Variants in PTPRD observed in about 807,000 individuals in gnomAD.
The protein encoded by PTPRD is receptor-type tyrosine-protein phosphatase delta.
Under a neutral mutation model 214.5 loss-of-function variants are expected in PTPRD, and 34 were observed. The observed-to-expected ratio is 0.16, with a 90% confidence interval of 0.12 to 0.21. The LOEUF (loss-of-function observed/expected upper bound fraction) is 0.21. Ranked by LOEUF, PTPRD falls within the 10% of genes least tolerant of loss-of-function variation. The probability of loss-of-function intolerance (pLI) is 1.00; values close to 1 mark genes in which losing one functional copy is unlikely to be tolerated. For missense variants in PTPRD, 2,545 were observed against 2,398.7 expected (o/e 1.06, Z -1.27); for synonymous variants, 1,128 against 845.7 (o/e 1.33, Z -5.79).
At chr9:8,857,773 CCGCCGCCGCCGAAGCCCCCCTGGT>C (rs1414043298) in intron 11 of PTPRD, 3 of 157,070 alleles carry the variant, frequency 1.9e-5, no homozygotes, top group South Asian at 1.7e-4. Context: ...GGAGCAGCGG[CCGCCGCCGCCGAAGCCCCCCTGGT>C]CGCCGCCGCC....
intron 8 of PTPRD, among the ~76,000 whole-genome samples, chr9:9,555,197 C>T (rs186682805): frequency 6.0e-4 from 91 of 151,992 alleles, no homozygotes; most frequent in Non-Finnish European, 1.1e-3. Context: ...TAATATTTGA[C>T]GTATGATATT....
intron 5 of PTPRD, among the ~76,000 whole-genome samples, chr9:9,862,862 T>A (rs1007520500): frequency 6.6e-6 from 1 of 152,202 alleles, no homozygotes; most frequent in Middle Eastern, 3.2e-3. Flanking sequence ...TATTTCAGGT[T>A]TTCTTGTGCC....
intron 10 of PTPRD, among the ~76,000 whole-genome samples, chr9:9,134,057 TC>T (rs372020565): frequency 1.5e-5 from 2 of 131,336 alleles, no homozygotes; most frequent in African/African-American, 3.0e-5. Flanking sequence ...ATAGAATCAT[TC>T]TTTTTTTTTT....
intron 5 of PTPRD, among the ~76,000 whole-genome samples, chr9:9,901,988 T>A (rs1214341082): frequency 1.3e-5 from 2 of 152,214 alleles, no homozygotes; most frequent in African/African-American, 4.8e-5. Context: ...TATTACATCT[T>A]CTATTTCACA....
At chr9:8,946,322 C>T (rs986259565) in intron 11 of PTPRD, among the ~76,000 whole-genome samples, 2 of 151,960 alleles carry the variant, frequency 1.3e-5, no homozygotes, top group Non-Finnish European at 2.9e-5. Flanking sequence ...AAACGGAGAC[C>T]ACCCCCCCAC....
At chr9:10,030,243 A>T (rs2097030390) in intron 4 of PTPRD, among the ~76,000 whole-genome samples, 1 of 152,204 alleles carries the variant, frequency 6.6e-6, no homozygotes, top group Non-Finnish European at 1.5e-5. Context: ...AAATGATAAG[A>T]TAGGTGAGAA....
intron 5 of PTPRD, among the ~76,000 whole-genome samples, chr9:9,900,647 T>A (rs1254089132): frequency 6.7e-6 from 1 of 148,942 alleles, no homozygotes; most frequent in East Asian, 1.9e-4. Context: ...TCAGGTTTTT[T>A]TTTTTTTTGA....
In PTPRD at chr9:8,978,562, G is replaced by C. The variant is rs374887914; in HGVS notation, c.-104+40135C>G. On this transcript the variant is annotated intron_variant, in intron 11 of 45. Transcript: ENST00000381196. ...CTCAGACCTATCAGAGTTAGCTGGTGAAATGACCAAGTGCACGCAGCCTTG... is the reference window on the plus strand; with the variant it reads ...CTCAGACCTATCAGAGTTAGCTGGTCAAATGACCAAGTGCACGCAGCCTTG... Among the ~76,000 whole-genome samples, 286 of 152,228 alleles carry C rather than the reference G, an allele frequency of 1.9e-3. 1 individual carries two copies. Among genetic ancestry groups the C allele is most frequent in the African/African-American group, 6.4e-3 (267 of 41,570 alleles).
At chr9:9,695,240 C>G (rs919686994) in intron 7 of PTPRD, among the ~76,000 whole-genome samples, 2 of 152,122 alleles carry the variant, frequency 1.3e-5, no homozygotes, top group Non-Finnish European at 2.9e-5. Flanking sequence ...CAGAGTGTGT[C>G]AAGAAATGTT....
intron 7 of PTPRD, among the ~76,000 whole-genome samples, chr9:9,599,595 T>C (rs549750860): frequency 3.3e-5 from 5 of 152,246 alleles, no homozygotes; most frequent in African/African-American, 1.2e-4. Flanking sequence ...TTTATCTTTA[T>C]CTTTATGTGT....
rs191811000 is a variant in PTPRD at position 10,039,833 on chromosome 9, T to A, written c.-544-6043A>T. ...TCATAGAGAGGACAAAATTTAAAGA[T>A]GAAAACAATCAATAAAACAATATTA... On this transcript the variant is annotated intron_variant, in intron 3 of 45. Transcript: ENST00000381196. 1.3e-4 allele frequency among the ~76,000 whole-genome samples: 20 copies of A among 152,150 alleles called. No individual in the cohort carries two copies. The East Asian group carries it at 3.7e-3, about 28-fold the overall frequency.
chr9:10,565,093 A>G (rs998545054), intron 2 of PTPRD, among the ~76,000 whole-genome samples: 10 of 152,196 alleles, frequency 6.6e-5, no homozygotes, highest in African/African-American at 2.4e-4. Context: ...GCCTACAGAC[A>G]CTGTGATATA....
intron 3 of PTPRD, among the ~76,000 whole-genome samples, chr9:10,291,249 AG>A (rs57211749): frequency 0.044 from 6,714 of 152,082 alleles, 477 homozygotes; most frequent in African/African-American, 0.15. Flanking sequence ...AGTCACCAGG[AG>A]TGGCAGCTGA....
intron 9 of PTPRD, among the ~76,000 whole-genome samples, chr9:9,394,622 G>A (rs1364260540): frequency 6.6e-6 from 1 of 152,082 alleles, no homozygotes; most frequent in Non-Finnish European, 1.5e-5. Context: ...ACTCTGAACA[G>A]TGCCTGGCAA....
In PTPRD at chr9:9,954,843, G is replaced by A. The variant is rs1390241437; in HGVS notation, c.-471-16233C>T. On this transcript the variant is annotated intron_variant, in intron 4 of 45. Coordinates refer to ENST00000381196, the MANE Select transcript of PTPRD (RefSeq NM_002839.4). ...GAATTTTCCTTCAAATGGCTATATTGATTAGCTAGACAAATATTACAAAGG... is the reference window on the plus strand; with the variant it reads ...GAATTTTCCTTCAAATGGCTATATTAATTAGCTAGACAAATATTACAAAGG... Among the ~76,000 whole-genome samples, 3 of 151,992 alleles carry A rather than the reference G, an allele frequency of 2.0e-5. No individual in the cohort carries two copies. The East Asian group carries it at 5.8e-4, about 29-fold the overall frequency.
At chr9:10,309,155 A>T (rs1266478781) in intron 3 of PTPRD, among the ~76,000 whole-genome samples, 2 of 152,084 alleles carry the variant, frequency 1.3e-5, no homozygotes, top group Non-Finnish European at 2.9e-5. Flanking sequence ...GACGGATTTC[A>T]TCTCCATATT....
At chr9:9,308,867 G>C (rs1205854506) in intron 9 of PTPRD, among the ~76,000 whole-genome samples, 2 of 152,008 alleles carry the variant, frequency 1.3e-5, no homozygotes, top group Admixed American at 6.6e-5. Flanking sequence ...TGGTTAATAA[G>C]CATTAGAGAC....
At chr9:10,277,140 A>G (rs555509230) in intron 3 of PTPRD, among the ~76,000 whole-genome samples, 1 of 149,900 alleles carries the variant, frequency 6.7e-6, no homozygotes, top group South Asian at 2.1e-4. Context: ...ATGCAGTATC[A>G]TCTTTAAGTC....
chr9:10,008,880 G>C (rs1043569162), intron 4 of PTPRD, among the ~76,000 whole-genome samples: 2 of 151,166 alleles, frequency 1.3e-5, no homozygotes, highest in African/African-American at 2.4e-5. Flanking sequence ...ATCAGAAAAT[G>C]GTTAAAAATG....
Sources: allele counts gnomAD v4.1 joint callset (sites outside exome capture counted in the v4.1 genomes callset), GRCh38; gene constraint gnomAD v4.1.1; transcripts MANE v1.5; gene names NCBI Gene and HGNC (gene_info 2026-07-23, HGNC 2026-07-21).